SAXO1: variants seen among roughly 807,000 people sequenced by gnomAD.
SAXO1 encodes the protein 4930500O09Rik.
Under a neutral mutation model 17.5 loss-of-function variants are expected in SAXO1, and 21 were observed. The ratio of observed to expected loss-of-function variants is 1.20; its 90% CI spans 0.85 to 1.72. The LOEUF (loss-of-function observed/expected upper bound fraction) is 1.72, where lower values mean the gene tolerates loss of function less well. SAXO1 is among the 40% of genes most tolerant of loss of function. The pLI is 0.00. For synonymous variants in SAXO1, 274 were observed against 216.5 expected (o/e 1.27, Z -2.33); for missense variants, 843 against 596.0 (o/e 1.41, Z -4.32).
intron 1 of SAXO1, among the ~76,000 whole-genome samples, chr9:18,971,839 A>G (rs1034525247): frequency 3.3e-5 from 5 of 152,238 alleles, no homozygotes; most frequent in African/African-American, 1.2e-4. Context: ...ATTAAAATTT[A>G]CAGATAGTGT....
rs770436685 is a variant in SAXO1 at position 18,928,412 on chromosome 9, G to C, written c.1065C>G (p.Val355=). 39 of 1,609,830 alleles carry C rather than the reference G, an allele frequency of 2.4e-5. No homozygotes were observed. Among genetic ancestry groups the C allele is most frequent in the East Asian group, 1.3e-4 (6 of 44,764 alleles). Residue 355 remains valine, a synonymous_variant, in exon 4 of 4, where the codon GTC becomes GTG. Coordinates refer to ENST00000380534, the MANE Select transcript of SAXO1 (RefSeq NM_153707.4). ...GCAAGTCCAGCTGGGGAACGGGCTT[G>C]ACTGGCTCTGTGCGCATGCTGGACC... is the stretch of plus-strand genomic sequence containing the variant. ...KQWSSMRTEP[V]KPVPQLDLPT...
chr9:19,002,028 A>G (rs1834294473), intron 1 of SAXO1, among the ~76,000 whole-genome samples: 1 of 152,188 alleles, frequency 6.6e-6, no homozygotes, highest in Non-Finnish European at 1.5e-5. Context: ...AAGAGAGAAG[A>G]GTCAAATAGA....
upstream of SAXO1, among the ~76,000 whole-genome samples, chr9:19,035,164 G>A (rs142036498): frequency 1.3e-5 from 2 of 152,274 alleles, no homozygotes; most frequent in Non-Finnish European, 2.9e-5. Flanking sequence ...GATATGGTTT[G>A]GTTCTGTGTC....
intron 1 of SAXO1, among the ~76,000 whole-genome samples, chr9:18,963,485 G>A (rs1280179545): frequency 6.6e-6 from 1 of 152,162 alleles, no homozygotes; most frequent in African/African-American, 2.4e-5. Flanking sequence ...TTGAGCAGTG[G>A]CTTGTAGTTC....
In SAXO1 at chr9:18,928,852, T is replaced by A; in HGVS notation, c.625A>T (p.Met209Leu). 6.2e-7 allele frequency: 1 copy of A among 1,614,154 alleles called. No homozygotes were observed. Among genetic ancestry groups the A allele is most frequent in the Non-Finnish European group, 8.5e-7 (1 of 1,180,042 alleles). The change falls in exon 4 of 4, where the codon ATG becomes TTG. Residue 209 changes from methionine to leucine, a missense_variant. Coordinates refer to ENST00000380534, the MANE Select transcript of SAXO1 (RefSeq NM_153707.4). The stretch of plus-strand genomic sequence containing the variant: ...TCCACGGGGTGGGCCACATAGCTCA[T>A]CTTGTAGTTAGTCACATCCTCCAAG... ...IPLEDVTNYK[M>L]SYVAHPVEKR...
At chr9:18,956,481 C>A (rs145531850) in intron 1 of SAXO1, among the ~76,000 whole-genome samples, 2 of 152,244 alleles carry the variant, frequency 1.3e-5, no homozygotes, top group South Asian at 2.1e-4. Context: ...TCTTCTGGAT[C>A]CCCTGCTGAG....
intron 2 of SAXO1, among the ~76,000 whole-genome samples, chr9:18,945,406 G>T (rs898824159): frequency 6.6e-6 from 1 of 152,170 alleles, no homozygotes; most frequent in East Asian, 1.9e-4. Context: ...GTCTTCTATG[G>T]GGTTCTGCTC....
intron 3 of SAXO1, among the ~76,000 whole-genome samples, chr9:18,935,669 C>T (rs1055054159): frequency 6.6e-6 from 1 of 152,216 alleles, no homozygotes; most frequent in African/African-American, 2.4e-5. Flanking sequence ...CTGTGTCTGT[C>T]TCATTCTCTG....
chr9:18,987,518 T>G (rs894541708), intron 1 of SAXO1, among the ~76,000 whole-genome samples: 1 of 152,168 alleles, frequency 6.6e-6, no homozygotes, highest in African/African-American at 2.4e-5. Context: ...TTTCCTCAGG[T>G]AGTCCACCCG....
At chr9:19,023,934 T>C (rs1835360227) in intron 1 of SAXO1, among the ~76,000 whole-genome samples, 1 of 150,516 alleles carries the variant, frequency 6.6e-6, no homozygotes, top group Non-Finnish European at 1.5e-5. Flanking sequence ...AGCCCAGGAG[T>C]TTGAGACTAA....
At chr9:19,005,983 C>A (rs1034238165) in intron 1 of SAXO1, among the ~76,000 whole-genome samples, 19 of 152,080 alleles carry the variant, frequency 1.2e-4, no homozygotes, top group Admixed American at 3.3e-4. Context: ...GACATCTCTC[C>A]AAAGGAGATA....
intron 3 of SAXO1, among the ~76,000 whole-genome samples, chr9:18,930,991 C>T (rs1358351226): frequency 6.6e-5 from 10 of 152,310 alleles, no homozygotes; most frequent in Admixed American, 5.9e-4. Context: ...CACACCAACA[C>T]TAGTGGAGTC....
intron 1 of SAXO1, chr9:19,027,485 T>C: frequency 1.2e-6 from 1 of 810,344 alleles, no homozygotes; most frequent in Non-Finnish European, 2.2e-6. Flanking sequence ...TTTGAGAACT[T>C]GCGGATCCAA....
At chr9:18,948,550 A>G (rs1831889870) in intron 2 of SAXO1, among the ~76,000 whole-genome samples, 1 of 152,072 alleles carries the variant, frequency 6.6e-6, no homozygotes, top group African/African-American at 2.4e-5. Flanking sequence ...CTTCTGGGTG[A>G]TATGTTTATT....
In SAXO1 at chr9:18,939,167, C is replaced by A. The variant is rs75506477; in HGVS notation, c.421+2470G>T. ...ACAGTCCCTTATTCCCTCCACCCAT[C>A]GTGGAAAGCGCTTACTGCAGTTTCA... On this transcript the variant is annotated intron_variant, in intron 3 of 3. Coordinates refer to ENST00000380534, the MANE Select transcript of SAXO1 (RefSeq NM_153707.4). Among the ~76,000 whole-genome samples, 148 of 152,290 alleles carry A rather than the reference C, an allele frequency of 9.7e-4. 2 individuals carry two copies. The East Asian group carries it at 0.02, about 20-fold the overall frequency.
chr9:19,024,697 G>A (rs73645567), intron 1 of SAXO1, among the ~76,000 whole-genome samples: 2,648 of 151,860 alleles, frequency 0.017, 79 homozygotes, highest in African/African-American at 0.058. Context: ...AGCCTTCCCC[G>A]GCTACCCCAT....
intron 1 of SAXO1, among the ~76,000 whole-genome samples, chr9:19,020,110 C>T (rs761290262): frequency 6.6e-6 from 1 of 151,994 alleles, no homozygotes; most frequent in Non-Finnish European, 1.5e-5. Context: ...CACTCTACCT[C>T]CATTGAGCGT....
At chr9:18,989,916 G>C (rs1018419046) in intron 1 of SAXO1, among the ~76,000 whole-genome samples, 2 of 152,182 alleles carry the variant, frequency 1.3e-5, no homozygotes, top group Middle Eastern at 3.2e-3. Context: ...AGGGAGATGA[G>C]AGAAAAGGAA....
At chr9:19,035,315 C>T (rs113394218), upstream of SAXO1, among the ~76,000 whole-genome samples, 6 of 152,116 alleles carry the variant, frequency 3.9e-5, no homozygotes, top group Non-Finnish European at 7.4e-5. Flanking sequence ...TGAGATCTGA[C>T]GGTTTTATCT....
Sources: gnomAD v4.1 joint callset for allele counts (sites outside exome capture counted in the v4.1 genomes callset) on GRCh38, gnomAD v4.1.1 for gene constraint, MANE v1.5 for transcripts, NCBI Gene and HGNC (gene_info 2026-07-23, HGNC 2026-07-21) for gene names.